Variants in GRIN2A observed in about 807,000 individuals in gnomAD.
GRIN2A encodes the protein glutamate receptor ionotropic, NMDA 2A.
A neutral mutation model predicts 113.4 loss-of-function variants in GRIN2A; 22 were observed. The ratio of observed to expected loss-of-function variants is 0.19; its 90% confidence interval spans 0.14 to 0.28. GRIN2A has a LOEUF of 0.28. Among genes scored for constraint, GRIN2A ranks in the 10% least tolerant of loss-of-function variants. GRIN2A has a pLI of 1.00. For missense variants in GRIN2A, 1,502 were observed against 1,887.0 expected, an observed-to-expected ratio of 0.80 and a Z score of 3.78; for synonymous variants, 827 against 738.4, an observed-to-expected ratio of 1.12 and a Z score of -1.94.
At chr16:9,796,584 A>T (rs1277075929) in intron 11 of GRIN2A, among the ~76,000 whole-genome samples, 2 of 152,242 alleles carry the variant, frequency 1.3e-5, no homozygotes, top group African/African-American at 4.8e-5. Context: ...AACGTGACCA[A>T]GCAGTGGCTT....
At chr16:9,791,191 A>T (rs1317987418) in intron 11 of GRIN2A, among the ~76,000 whole-genome samples, 1 of 152,144 alleles carries the variant, frequency 6.6e-6, no homozygotes, top group Non-Finnish European at 1.5e-5. Flanking sequence ...GGGAGTTCAC[A>T]GGCAGGGTAT....
intron 4 of GRIN2A, among the ~76,000 whole-genome samples, chr16:9,876,027 G>A (rs947690739): frequency 3.9e-5 from 6 of 152,148 alleles, no homozygotes; most frequent in African/African-American, 9.7e-5. Flanking sequence ...GTCTTGGAAC[G>A]TGTCCTGGGC....
At chr16:10,172,595 G>A (rs951701925) in intron 2 of GRIN2A, among the ~76,000 whole-genome samples, 1 of 152,262 alleles carries the variant, frequency 6.6e-6, no homozygotes, top group Non-Finnish European at 1.5e-5. Context: ...CAGGATGGCA[G>A]TGGGAGGGCA....
chr16:9,999,642 T>C (rs1320999306), intron 2 of GRIN2A, among the ~76,000 whole-genome samples: 2 of 151,626 alleles, frequency 1.3e-5, no homozygotes, highest in African/African-American at 4.9e-5. Context: ...CTAATGTAGG[T>C]GACAGGTTGA....
chr16:10,036,634 G>C (rs928923505), intron 2 of GRIN2A, among the ~76,000 whole-genome samples: 1 of 150,664 alleles, frequency 6.6e-6, no homozygotes, highest in Admixed American at 6.6e-5. Context: ...TTTTAGTAGA[G>C]ATGGCGTTTC....
intron 4 of GRIN2A, among the ~76,000 whole-genome samples, chr16:9,889,247 T>G (rs2043645969): frequency 6.6e-6 from 1 of 152,170 alleles, no homozygotes; most frequent in African/African-American, 2.4e-5. Context: ...TTTGTTGTCA[T>G]AAATTTTTCA....
intron 2 of GRIN2A, among the ~76,000 whole-genome samples, chr16:10,091,127 C>G (rs1008692704): frequency 6.6e-6 from 1 of 152,158 alleles, no homozygotes; most frequent in African/African-American, 2.4e-5. Context: ...CCTGTGAAAA[C>G]AGTTTGGCAA....
At chr16:9,855,005 T>TGC (rs2042944582) in intron 4 of GRIN2A, among the ~76,000 whole-genome samples, 2 of 151,882 alleles carry the variant, frequency 1.3e-5, no homozygotes, top group Non-Finnish European at 2.9e-5. Flanking sequence ...TGTGTGTGTG[T>TGC]GTGTGTGTGT....
At chr16:10,065,926 T>G (rs2047640681) in intron 2 of GRIN2A, among the ~76,000 whole-genome samples, 1 of 152,140 alleles carries the variant, frequency 6.6e-6, no homozygotes, top group African/African-American at 2.4e-5. Flanking sequence ...CATGGGTCTC[T>G]TACGAATAGA....
At chr16:10,024,162 T>C (rs1366500158) in intron 2 of GRIN2A, among the ~76,000 whole-genome samples, 1 of 152,162 alleles carries the variant, frequency 6.6e-6, no homozygotes, top group Non-Finnish European at 1.5e-5. Flanking sequence ...ACCAGTTCAT[T>C]TGGATTTTTG....
At chr16:10,017,668 A>G (rs2046636116) in intron 2 of GRIN2A, among the ~76,000 whole-genome samples, 1 of 152,226 alleles carries the variant, frequency 6.6e-6, no homozygotes, top group Non-Finnish European at 1.5e-5. Flanking sequence ...AGTACTCAGT[A>G]TACATTGGTC....
At position 10,015,218 on chromosome 16, in the gene GRIN2A, A is replaced by C. The variant is rs1299742016; in HGVS notation, c.415-76667T>G. Among the ~76,000 whole-genome samples the C allele has an allele frequency of 1.5e-5, 2 of 129,036 alleles. 1 individual carries two copies. The highest frequency in any genetic ancestry group is 9.3e-3 in the Middle Eastern group (2 of 216). The allele number at this position is 129,036 out of a possible 152,430, so 84.7% of individuals were successfully genotyped here. A position where few individuals can be genotyped will look rare whatever the true frequency, so the allele number is the denominator to read the frequency against. On this transcript the variant is annotated intron_variant, in intron 2 of 12. Transcript: ENST00000330684. ...CAGTGAGCTGAGATCGCACCACCGC[A>C]CTCCAGCCTGGGCAACAGAGCAAGA...
intron 10 of GRIN2A, among the ~76,000 whole-genome samples, chr16:9,799,258 C>T (rs1199003996): frequency 6.6e-6 from 1 of 152,210 alleles, no homozygotes; most frequent in East Asian, 1.9e-4. Context: ...CCCTAATCCA[C>T]TGTGGCTGCC....
At chr16:10,015,314 G>T (rs1253699972) in intron 2 of GRIN2A, among the ~76,000 whole-genome samples, 1 of 103,470 alleles carries the variant, frequency 9.7e-6, no homozygotes, top group Non-Finnish European at 2.2e-5. Flanking sequence ...AGAAAAAAAA[G>T]AAATAACTAG....
At chr16:9,879,015 T>C (rs891206389) in intron 4 of GRIN2A, among the ~76,000 whole-genome samples, 3 of 152,212 alleles carry the variant, frequency 2.0e-5, no homozygotes, top group Non-Finnish European at 4.4e-5. Context: ...TTTAAAATAG[T>C]CACTATGCGT....
At chr16:9,969,608 T>C (rs899786132) in intron 2 of GRIN2A, among the ~76,000 whole-genome samples, 12 of 152,094 alleles carry the variant, frequency 7.9e-5, no homozygotes, top group African/African-American at 2.4e-4. Context: ...CACCCAAACT[T>C]ACTCAGTGAT....
intron 3 of GRIN2A, among the ~76,000 whole-genome samples, chr16:9,933,862 T>C (rs368051198): frequency 3.9e-5 from 6 of 152,330 alleles, no homozygotes; most frequent in African/African-American, 1.4e-4. Flanking sequence ...TTTGAAAACA[T>C]AAGGTTGAGG....
At chr16:10,132,149 T>C (rs935072815) in intron 2 of GRIN2A, among the ~76,000 whole-genome samples, 1 of 151,788 alleles carries the variant, frequency 6.6e-6, no homozygotes, top group Non-Finnish European at 1.5e-5. Flanking sequence ...CTGGCCAACA[T>C]AGTGAAATCC....
intron 2 of GRIN2A, among the ~76,000 whole-genome samples, chr16:10,068,413 T>C (rs954699769): frequency 2.0e-5 from 3 of 152,144 alleles, no homozygotes; most frequent in Non-Finnish European, 4.4e-5. Flanking sequence ...ACAGTCATGG[T>C]GGAAGGTGAA....
Sources: allele counts gnomAD v4.1 joint callset (sites outside exome capture counted in the v4.1 genomes callset), GRCh38; gene constraint gnomAD v4.1.1; transcripts MANE v1.5; gene names NCBI Gene and HGNC (gene_info 2026-07-23, HGNC 2026-07-21).